Variants in DMC1 observed in about 807,000 individuals in gnomAD.
DMC1 encodes the protein DNA meiotic recombinase 1.
A neutral mutation model predicts 50.1 loss-of-function variants in DMC1; 27 were observed. The ratio of observed to expected loss-of-function variants is 0.54; its 90% CI spans 0.40 to 0.74. The LOEUF (loss-of-function observed/expected upper bound fraction) is 0.74. Among genes scored for constraint, DMC1 ranks in the 30% least tolerant of loss-of-function variants. The pLI is 0.00. For synonymous variants in DMC1, 148 were observed against 136.1 expected (o/e 1.09, Z -0.61); for missense variants, 295 against 420.2 (o/e 0.70, Z 2.60).
At chr22:38,542,960 G>A (rs1031171351) in intron 8 of DMC1, among the ~76,000 whole-genome samples, 3 of 152,082 alleles carry the variant, frequency 2.0e-5, no homozygotes, top group Non-Finnish European at 2.9e-5. Context: ...GAGAAAGGAC[G>A]GTCTCTTCAG....
At chr22:38,568,919 G>A (rs764287139) in intron 1 of DMC1, among the ~76,000 whole-genome samples, 1 of 152,144 alleles carries the variant, frequency 6.6e-6, no homozygotes, top group Non-Finnish European at 1.5e-5. Flanking sequence ...TGGTCCGGGT[G>A]TGGAGGCTCA....
intron 2 of DMC1, 93 bp from the exon 3 acceptor site, chr22:38,567,720 C>T (rs1256781649): frequency 2.8e-5 from 26 of 928,228 alleles, no homozygotes; most frequent in East Asian, 2.4e-5. Flanking sequence ...CTATGAGTCA[C>T]TCCAAAATGC....
At chr22:38,558,734 A>C (rs2090494923) in intron 5 of DMC1, among the ~76,000 whole-genome samples, 1 of 151,930 alleles carries the variant, frequency 6.6e-6, no homozygotes, top group Non-Finnish European at 1.5e-5. Flanking sequence ...CAAACAACAA[A>C]AAAAAACCTA....
intron 8 of DMC1, among the ~76,000 whole-genome samples, chr22:38,542,826 A>C (rs2145888229): frequency 6.6e-6 from 1 of 152,316 alleles, no homozygotes; most frequent in Middle Eastern, 3.4e-3. Context: ...ATAGTATCCA[A>C]AACAGCACGG....
Position 38,566,608 on chromosome 22 carries a change from C to T in DMC1, c.225G>A (p.Glu75=), listed in dbSNP as rs528409669. ...TGCTTACAATTAGTTTGTTCGCTGC[C>T]TCTTTAATCTTGTCTACTTTGGCTT... is the stretch of plus-strand genomic sequence containing the variant. ...LSEAKVDKIK[E]AANKLIEPGF... Residue 75 remains glutamate (E), a synonymous_variant, in exon 4 of 14, where the codon GAG becomes GAA. Transcript: ENST00000216024. The T allele has an allele frequency of 1.2e-6, 2 of 1,614,204 alleles. No homozygotes were observed. Among genetic ancestry groups the T allele is most frequent in the South Asian group, 2.2e-5 (2 of 91,080 alleles).
At chr22:38,529,008 T>C (rs2090126500) in intron 12 of DMC1, among the ~76,000 whole-genome samples, 1 of 151,990 alleles carries the variant, frequency 6.6e-6, no homozygotes, top group South Asian at 2.1e-4. Flanking sequence ...CTTCTATTTC[T>C]TTCTTTCTTT....
chr22:38,555,733 GA>G (rs1181806882), intron 5 of DMC1, among the ~76,000 whole-genome samples: 1 of 151,524 alleles, frequency 6.6e-6, no homozygotes, highest in Non-Finnish European at 1.5e-5. Flanking sequence ...ATTATTTTAA[GA>G]AAAAACTTAA....
At chr22:38,524,975 C>A (rs556764115) in intron 12 of DMC1, among the ~76,000 whole-genome samples, 1 of 152,230 alleles carries the variant, frequency 6.6e-6, no homozygotes, top group South Asian at 2.1e-4. Context: ...GCAGGAGAAT[C>A]GCTTGAACCT....
intron 7 of DMC1, among the ~76,000 whole-genome samples, chr22:38,552,336 A>G (rs1471131781): frequency 6.6e-6 from 1 of 152,214 alleles, no homozygotes; most frequent in Non-Finnish European, 1.5e-5. Context: ...CTAGGACTCA[A>G]TAGATTTTGT....
chr22:38,527,168 TGAA>T (rs898374617), intron 12 of DMC1, among the ~76,000 whole-genome samples: 6 of 152,174 alleles, frequency 3.9e-5, no homozygotes, highest in Admixed American at 3.9e-4. Context: ...CCATATGACT[TGAA>T]GAAAATTGTT....
chr22:38,522,357 C>A (rs1020540355), intron 12 of DMC1, among the ~76,000 whole-genome samples: 4 of 151,880 alleles, frequency 2.6e-5, no homozygotes, highest in Non-Finnish European at 5.9e-5. Flanking sequence ...AAGTTCGAGA[C>A]TAGCCTGGCC....
intron 6 of DMC1, 70 bp downstream of exon 6, chr22:38,555,287 T>C (rs2090458010): frequency 9.5e-6 from 9 of 942,420 alleles, no homozygotes; most frequent in Admixed American, 9.3e-5. Flanking sequence ...TATATGTGTA[T>C]GTATACACAT....
chr22:38,517,443 C>T (rs910106935), downstream of DMC1, among the ~76,000 whole-genome samples: 6 of 152,020 alleles, frequency 3.9e-5, no homozygotes, highest in South Asian at 4.2e-4. Context: ...GTGGTGGGCG[C>T]CTGTAATCCT....
Position 38,555,304 on chromosome 22 carries a change from G to A in DMC1, c.379+53C>T, listed in dbSNP as rs11570403. On this transcript the variant is annotated intron_variant, in intron 6 of 13. Coordinates refer to ENST00000216024, the MANE Select transcript of DMC1 (RefSeq NM_007068.4). ...TATGTGTATGTATACACATAGATGTGTATGTGTGTGTGTATAATATTTCAT... is the reference window on the plus strand; with the variant it reads ...TATGTGTATGTATACACATAGATGTATATGTGTGTGTGTATAATATTTCAT... 3,989 of 1,106,228 alleles carry A rather than the reference G, an allele frequency of 3.6e-3. 106 individuals carry two copies. In the African/African-American group the frequency reaches 0.056, roughly 15 times the overall value. The allele number at this position is 1,106,228 out of a possible 1,614,324, so 68.5% of individuals were successfully genotyped here.
At chr22:38,561,371 C>A (rs1165272694) in intron 5 of DMC1, among the ~76,000 whole-genome samples, 3 of 151,902 alleles carry the variant, frequency 2.0e-5, no homozygotes, top group Non-Finnish European at 2.9e-5. Context: ...TCTCTTTTTT[C>A]CTCCTTGTAA....
At chr22:38,516,260 C>T (rs1055918918), downstream of DMC1, among the ~76,000 whole-genome samples, 6 of 152,182 alleles carry the variant, frequency 3.9e-5, no homozygotes, top group African/African-American at 1.4e-4. Context: ...AGTGGCTGGA[C>T]CCAGAGAGAT....
At chr22:38,541,829 A>G (rs2090284323) in intron 8 of DMC1, among the ~76,000 whole-genome samples, 2 of 152,200 alleles carry the variant, frequency 1.3e-5, no homozygotes, top group Middle Eastern at 3.4e-3. Flanking sequence ...ACAAAATACT[A>G]GCAAACCAAA....
At chr22:38,562,810 T>G (rs1485281119) in intron 4 of DMC1, among the ~76,000 whole-genome samples, 1 of 151,956 alleles carries the variant, frequency 6.6e-6, no homozygotes, top group Non-Finnish European at 1.5e-5. Context: ...CATATACATA[T>G]ACATATATAC....
In DMC1 at chr22:38,568,299, TAAG is replaced by T; in HGVS notation, c.-33-13_-33-11del. ...AGAAAAATAATCACTTCTGGGAAAATAAGAAATATTATGTAAGAAGTAGTCCTT... is the reference window on the plus strand; with the variant it reads ...AGAAAAATAATCACTTCTGGGAAAATAAATATTATGTAAGAAGTAGTCCTT... On this transcript the variant is annotated splice_polypyrimidine_tract_variant and intron_variant, in intron 1 of 13. Coordinates refer to ENST00000216024, the MANE Select transcript of DMC1 (RefSeq NM_007068.4). 1 of 1,594,444 alleles carries T rather than the reference TAAG, an allele frequency of 6.3e-7. No homozygotes were observed.
Sources: allele counts gnomAD v4.1 joint callset (sites outside exome capture counted in the v4.1 genomes callset), GRCh38; gene constraint gnomAD v4.1.1; transcripts MANE v1.5; gene names NCBI Gene and HGNC (gene_info 2026-07-23, HGNC 2026-07-21).